Variants in MDN1 observed in about 807,000 individuals in gnomAD.
MDN1 encodes the protein midasin AAA ATPase 1.
A neutral mutation model predicts 669.2 loss-of-function variants in MDN1; 266 were observed. That is an observed-to-expected ratio of 0.40 (90% CI 0.36 to 0.44). The LOEUF is 0.44. MDN1 is among the 20% of genes least tolerant of loss of function. The probability of loss-of-function intolerance (pLI) is 1.00; values close to 1 mark genes in which losing one functional copy is unlikely to be tolerated. For synonymous variants in MDN1, 2,385 were observed against 2,457.1 expected (o/e 0.97, Z 0.87); for missense variants, 5,940 against 6,754.0 (o/e 0.88, Z 4.22).
At chr6:89,751,324 CAATG>C in intron 23 of MDN1, 103 bp downstream of exon 23, 1 of 1,344,174 alleles carries the variant, frequency 7.4e-7, no homozygotes, top group Non-Finnish European at 1.0e-6. Flanking sequence ...TTCAGTTGGC[CAATG>C]AATAAGAATA....
chr6:89,681,216 C>T (rs1392761471), intron 73 of MDN1, among the ~76,000 whole-genome samples: 1 of 152,062 alleles, frequency 6.6e-6, no homozygotes, highest in African/African-American at 2.4e-5. Context: ...CTTTGTCACC[C>T]AGGCTGAAGT....
chr6:89,650,873 A>G, intron 95 of MDN1, 26 bp from the exon 96 acceptor site: 1 of 1,595,302 alleles, frequency 6.3e-7, no homozygotes, highest in Non-Finnish European at 8.6e-7. Flanking sequence ...AATGTAAGTT[A>G]CCCTCAGAAT....
At chr6:89,730,999 A>G in intron 34 of MDN1, 76 bp from the exon 35 acceptor site, 1 of 1,350,550 alleles carries the variant, frequency 7.4e-7, no homozygotes, top group Non-Finnish European at 1.0e-6. Flanking sequence ...GAGCTCTAGC[A>G]CAGGTTCCCG....
At chr6:89,749,182 T>C (rs755653119) in intron 26 of MDN1, 41 bp downstream of exon 26, 2 of 1,512,132 alleles carry the variant, frequency 1.3e-6, no homozygotes, top group South Asian at 2.8e-5. Flanking sequence ...GAAATTTTGA[T>C]CACCAAGTAT....
In MDN1 at chr6:89,780,261, T is replaced by C; in HGVS notation, c.1676A>G (p.His559Arg). The C allele has an allele frequency of 1.9e-6, 3 of 1,590,212 alleles. No homozygotes were observed. The highest frequency in any genetic ancestry group is 2.3e-5 in the East Asian group (1 of 44,314). Residue 559 changes from histidine (H) to arginine (R), a missense_variant, in exon 11 of 102, where the codon CAT becomes CGT. His to Arg is a conservative substitution (Grantham distance 29, BLOSUM62 0). This residue lies in a region of MDN1 where 1,203 missense variants were observed against 1,268.9 expected (regional missense o/e 0.95). Coordinates refer to ENST00000369393, the MANE Select transcript of MDN1 (RefSeq NM_014611.3). ...DLLNWCNRIA[H>R]SFDSSSLSAS... ...TGATAAAGATGAACTGTCAAAGCTA[T>C]GGGCAATCCTATTACACCAATTCAG...
chr6:89,754,360 C>A (rs1817121314), intron 20 of MDN1, 130 bp from the exon 21 acceptor site: 1 of 858,566 alleles, frequency 1.2e-6, no homozygotes, highest in South Asian at 1.9e-5. Context: ...CTGGGGCATG[C>A]ATCAAAATAT....
Position 89,672,650 on chromosome 6 carries a change from T to C in MDN1, c.13527A>G (p.Glu4509=). The change falls in exon 81 of 102, where the codon GAA becomes GAG. Residue 4509 remains glutamate, a synonymous_variant. Coordinates refer to ENST00000369393, the MANE Select transcript of MDN1 (RefSeq NM_014611.3). ...CACAGAGGATGGCTCGGATGGCAAT[T>C]TCCATTTGCTCTGAAAAATCTTCCA... ...GFVEDFSEQM[E]IAIRAILCAI... 1 of 1,614,124 alleles carries C rather than the reference T, an allele frequency of 6.2e-7. No individual in the cohort carries two copies. The highest frequency in any genetic ancestry group is 8.5e-7 in the Non-Finnish European group (1 of 1,180,014).
At chr6:89,786,784 G>A (rs139751997) in intron 8 of MDN1, among the ~76,000 whole-genome samples, 94 of 151,878 alleles carry the variant, frequency 6.2e-4, no homozygotes, top group African/African-American at 1.9e-3. Context: ...AAATTAGCCC[G>A]TGTGGTGGCA....
chr6:89,802,807 G>A (rs12212017), intron 2 of MDN1, among the ~76,000 whole-genome samples: 4,394 of 152,248 alleles, frequency 0.029, 97 homozygotes, highest in Non-Finnish European at 0.047. Flanking sequence ...CAGTTTTGCT[G>A]TCTCTTTTGA....
chr6:89,732,951 A>G (rs1449557767), intron 33 of MDN1, among the ~76,000 whole-genome samples, 176 bp from the exon 34 acceptor site: 1 of 152,222 alleles, frequency 6.6e-6, no homozygotes, highest in African/African-American at 2.4e-5. Context: ...GCTTTGATCA[A>G]ATTCTGAAAG....
chr6:89,678,859 T>A (rs754575821), intron 74 of MDN1, 114 bp from the exon 75 acceptor site: 3 of 1,095,470 alleles, frequency 2.7e-6, no homozygotes, highest in Non-Finnish European at 3.9e-6. Context: ...CAAGTATCAT[T>A]CATCTTTATA....
At chr6:89,790,729 T>C (rs1188400082) in intron 5 of MDN1, among the ~76,000 whole-genome samples, 1 of 151,526 alleles carries the variant, frequency 6.6e-6, no homozygotes, top group Non-Finnish European at 1.5e-5. Context: ...TTTTTAAAAA[T>C]AAAGCAAAGG....
At chr6:89,720,784 C>T (rs913292677) in intron 40 of MDN1, among the ~76,000 whole-genome samples, 4 of 152,168 alleles carry the variant, frequency 2.6e-5, no homozygotes, top group African/African-American at 9.7e-5. Context: ...TTGAAAGTCA[C>T]CTACGTATGA....
intron 19 of MDN1, 48 bp downstream of exon 19, chr6:89,758,207 C>A: frequency 6.8e-7 from 1 of 1,469,076 alleles, no homozygotes; most frequent in Non-Finnish European, 9.4e-7. Flanking sequence ...GGCAACAGAG[C>A]AAGAACCTGT....
In MDN1 at chr6:89,700,174, G is replaced by T; in HGVS notation, c.8759C>A (p.Ser2920Tyr). Residue 2920 changes from serine to tyrosine, a missense_variant, in exon 57 of 102, where the codon TCC becomes TAC. By Grantham distance (144) the Ser-to-Tyr change is moderately radical. Transcript: ENST00000369393. ...ASSLSHPDLT[S>Y]VIHLTRSVQL... is the part of the protein sequence containing the mutation. ...AACACTCCTGGTGAGGTGGATTACG[G>T]AGGTCAAGTCTGGATGGGACAGGGA... The T allele has an allele frequency of 6.2e-7, 1 of 1,614,218 alleles. No homozygotes were observed. Among genetic ancestry groups the T allele is most frequent in the Non-Finnish European group, 8.5e-7 (1 of 1,180,036 alleles).
chr6:89,727,697 A>G lies in MDN1; in HGVS notation c.5472+136T>C, dbSNP rs553793365. ...CTTCCTCATTCTTAAAGAAAACTAC[A>G]GAGGATCTTTTCATTAGAGAAAAGT... On this transcript the variant is annotated intron_variant, in intron 37 of 101. Coordinates refer to ENST00000369393, the MANE Select transcript of MDN1 (RefSeq NM_014611.3). 2.2e-6 allele frequency: 3 copies of G among 1,391,920 alleles called. No homozygotes were observed. The East Asian group carries it at 7.3e-5, about 34-fold the overall frequency. 86.2% of individuals were successfully genotyped at this position (1,391,920 alleles called of 1,614,324 possible).
At chr6:89,676,262 G>C (rs943118144) in intron 76 of MDN1, 55 bp from the exon 77 acceptor site, 2 of 1,490,898 alleles carry the variant, frequency 1.3e-6, no homozygotes, top group Non-Finnish European at 1.9e-6. Context: ...TCCCACCCCA[G>C]ATCCTGAAAA....
intron 2 of MDN1, among the ~76,000 whole-genome samples, chr6:89,795,083 G>A (rs576934389): frequency 6.6e-6 from 1 of 152,268 alleles, no homozygotes; most frequent in East Asian, 1.9e-4. Context: ...CAGGAACCAG[G>A]ACAATGGCAT....
chr6:89,796,623 T>G (rs1819624340), intron 2 of MDN1, among the ~76,000 whole-genome samples: 1 of 152,202 alleles, frequency 6.6e-6, no homozygotes, highest in Non-Finnish European at 1.5e-5. Flanking sequence ...TGACGGGAGA[T>G]GCTGATAATG....
Sources: gnomAD v4.1 joint callset for allele counts (sites outside exome capture counted in the v4.1 genomes callset) on GRCh38, gnomAD v4.1.1 for gene constraint, gnomAD v4.1.1 regional missense constraint, MANE v1.5 for transcripts, NCBI Gene and HGNC (gene_info 2026-07-23, HGNC 2026-07-21) for gene names.